PHACTR3: variants seen among roughly 807,000 people sequenced by gnomAD.
PHACTR3 encodes the protein phosphatase and actin regulator 3, also known as protein phosphatase 1, regulatory subunit 123.
A neutral mutation model predicts 66.8 loss-of-function variants in PHACTR3; 16 were observed. That is an observed-to-expected ratio of 0.24 (90% confidence interval 0.16 to 0.36). PHACTR3 has a LOEUF of 0.36. PHACTR3 is among the 10% of genes least tolerant of loss of function. The probability of loss-of-function intolerance (pLI) is 1.00; values close to 1 mark genes in which losing one functional copy is unlikely to be tolerated. For synonymous variants in PHACTR3, 323 were observed against 292.1 expected (o/e 1.11, Z -1.08); for missense variants, 647 against 719.9 (o/e 0.90, Z 1.16).
chr20:59,775,738 C>A (rs2040516374), intron 7 of PHACTR3, among the ~76,000 whole-genome samples: 1 of 152,146 alleles, frequency 6.6e-6, no homozygotes, highest in South Asian at 2.1e-4. Context: ...ACTCGTTAGG[C>A]CCTGGAATCC....
At position 59,616,157 on chromosome 20, in the gene PHACTR3, T is replaced by C. The variant is rs560589494; in HGVS notation, c.118+11025T>C. The stretch of plus-strand genomic sequence containing the variant: ...TGCAGAATGAGGATTACTTTACTTA[T>C]ATTAATACCCCCTTAGACGAGCAGT... On this transcript the variant is annotated intron_variant, in intron 1 of 12. Coordinates refer to ENST00000371015, the MANE Select transcript of PHACTR3 (RefSeq NM_080672.5). 1.4e-4 allele frequency among the ~76,000 whole-genome samples: 22 copies of C among 152,240 alleles called. No homozygotes were observed. The East Asian group carries it at 2.7e-3, about 19-fold the overall frequency.
At chr20:59,674,641 TCCTCTCCCTTCTC>T in intron 1 of PHACTR3, among the ~76,000 whole-genome samples, 1 of 106,974 alleles carries the variant, frequency 9.3e-6, no homozygotes, top group Non-Finnish European at 1.8e-5. Flanking sequence ...CTTCTCCTGT[TCCTCTCCCTTCTC>T]CTGTTCCCCA....
At chr20:59,642,462 C>T (rs1312412621) in intron 1 of PHACTR3, among the ~76,000 whole-genome samples, 9 of 149,234 alleles carry the variant, frequency 6.0e-5, no homozygotes, top group Non-Finnish European at 4.5e-5. Context: ...GTGTGTGTTC[C>T]TCCAGTACTT....
At chr20:59,817,285 A>G (rs1430867596) in intron 8 of PHACTR3, among the ~76,000 whole-genome samples, 1 of 152,240 alleles carries the variant, frequency 6.6e-6, no homozygotes, top group African/African-American at 2.4e-5. Flanking sequence ...TCTCCAGGCC[A>G]GGGTCTGCAT....
chr20:59,659,297 C>T lies in PHACTR3; in HGVS notation c.118+54165C>T, dbSNP rs115301311. ...AGGCATTCTGTGTCAAATAACAGCA[C>T]ATTCTTTTTCTTTCCACTTATCAGA... On this transcript the variant is annotated intron_variant, in intron 1 of 12. Transcript: ENST00000371015. Among the ~76,000 whole-genome samples, 1,354 of 150,066 alleles carry T rather than the reference C, an allele frequency of 9.0e-3. 27 individuals are homozygous for T. The highest frequency in any genetic ancestry group is 0.031 in the African/African-American group (1,273 of 40,958).
chr20:59,619,927 T>C (rs2034173887), intron 1 of PHACTR3, among the ~76,000 whole-genome samples: 1 of 152,164 alleles, frequency 6.6e-6, no homozygotes, highest in Non-Finnish European at 1.5e-5. Context: ...GGCATTGTCC[T>C]GAGGCCGCAG....
intron 1 of PHACTR3, among the ~76,000 whole-genome samples, chr20:59,616,196 T>A (rs927688390): frequency 6.6e-6 from 1 of 152,124 alleles, no homozygotes; most frequent in African/African-American, 2.4e-5. Flanking sequence ...GATGCTGAGA[T>A]GAGATGAATT....
At chr20:59,610,161 G>A (rs983076770) in intron 1 of PHACTR3, among the ~76,000 whole-genome samples, 1 of 152,166 alleles carries the variant, frequency 6.6e-6, no homozygotes, top group African/African-American at 2.4e-5. Context: ...GGGCTGAGCC[G>A]GGAGGATCGC....
intron 1 of PHACTR3, among the ~76,000 whole-genome samples, chr20:59,646,034 C>T (rs1471264724): frequency 6.6e-6 from 1 of 152,190 alleles, no homozygotes; most frequent in Non-Finnish European, 1.5e-5. Flanking sequence ...AAGCTCCTGC[C>T]CAGTCCCGTG....
At chr20:59,642,678 T>C (rs973847210) in intron 1 of PHACTR3, among the ~76,000 whole-genome samples, 1 of 152,220 alleles carries the variant, frequency 6.6e-6, no homozygotes, top group African/African-American at 2.4e-5. Flanking sequence ...TTTCTTGCTA[T>C]AGTAATTGGG....
intron 1 of PHACTR3, among the ~76,000 whole-genome samples, chr20:59,712,278 G>A (rs976180139): frequency 1.3e-5 from 2 of 152,026 alleles, no homozygotes; most frequent in Non-Finnish European, 2.9e-5. Flanking sequence ...TCTGCTATGC[G>A]TTGCATTGTT....
chr20:59,594,567 G>A (rs1368559905), intron 1 of PHACTR3, among the ~76,000 whole-genome samples: 4 of 152,068 alleles, frequency 2.6e-5, no homozygotes, highest in Non-Finnish European at 4.4e-5. Flanking sequence ...TCAAATTTGT[G>A]GACATAGAAT....
chr20:59,715,138 A>G (rs2038049402), intron 1 of PHACTR3, among the ~76,000 whole-genome samples: 1 of 152,110 alleles, frequency 6.6e-6, no homozygotes, highest in Non-Finnish European at 1.5e-5. Flanking sequence ...TAAACATTTT[A>G]TTCCTTGTTG....
At position 59,743,004 on chromosome 20, in the gene PHACTR3, G is replaced by A. The variant is rs541692656; in HGVS notation, c.119-103G>A. On this transcript the variant is annotated intron_variant, in intron 1 of 12. Coordinates refer to ENST00000371015, the MANE Select transcript of PHACTR3 (RefSeq NM_080672.5). ...CATCCTGGGGTCCAGGCTTTGGGGG[G>A]ATCACTGGTGACCCCTTAGGGTGAG... 9.9e-6 allele frequency: 13 copies of A among 1,311,660 alleles called. No homozygotes were observed. The South Asian group carries it at 1.1e-4, about 11-fold the overall frequency. The allele number at this position is 1,311,660 out of a possible 1,614,324, so 81.3% of individuals were successfully genotyped here. A position where few individuals can be genotyped will look rare whatever the true frequency, so the allele number is the denominator to read the frequency against.
At chr20:59,580,957 G>T (rs150113858) in intron 1 of PHACTR3, among the ~76,000 whole-genome samples, 1 of 152,340 alleles carries the variant, frequency 6.6e-6, no homozygotes, top group Non-Finnish European at 1.5e-5. Flanking sequence ...ACTCAGGGTG[G>T]GTCATATAGC....
At chr20:59,676,941 G>C (rs908269526) in intron 1 of PHACTR3, among the ~76,000 whole-genome samples, 4 of 151,764 alleles carry the variant, frequency 2.6e-5, no homozygotes, top group Non-Finnish European at 2.9e-5. Flanking sequence ...GGTGAGGGGT[G>C]GGGGCTGCCC....
intron 8 of PHACTR3, among the ~76,000 whole-genome samples, chr20:59,821,917 C>T (rs943368959): frequency 6.6e-6 from 1 of 150,532 alleles, no homozygotes. Flanking sequence ...CCCTGAGAGG[C>T]GCTGAGAGTG....
At chr20:59,707,457 C>CT (rs34134572) in intron 1 of PHACTR3, among the ~76,000 whole-genome samples, 35,862 of 100,044 alleles carry the variant, frequency 0.36, 7,616 homozygotes, top group Middle Eastern at 0.44. Flanking sequence ...TGCTCCCACT[C>CT]TTTTTTTTTT....
At chr20:59,691,262 G>A (rs2037097616) in intron 1 of PHACTR3, among the ~76,000 whole-genome samples, 2 of 152,144 alleles carry the variant, frequency 1.3e-5, no homozygotes, top group Non-Finnish European at 2.9e-5. Flanking sequence ...CAACAGGGAT[G>A]ATTTTATTTT....
Sources: gnomAD v4.1 joint callset for allele counts (sites outside exome capture counted in the v4.1 genomes callset) on GRCh38, gnomAD v4.1.1 for gene constraint, MANE v1.5 for transcripts, NCBI Gene and HGNC (gene_info 2026-07-23, HGNC 2026-07-21) for gene names.